GRIN2A: variants seen among roughly 807,000 people sequenced by gnomAD.
GRIN2A encodes the protein glutamate ionotropic receptor NMDA type subunit 2A, also known as glutamate receptor ionotropic, NMDA 2A.
A neutral mutation model predicts 113.4 loss-of-function variants in GRIN2A; 22 were observed. That is an observed-to-expected ratio of 0.19 (90% CI 0.14 to 0.28). The LOEUF is 0.28. Among genes scored for constraint, GRIN2A ranks in the 10% least tolerant of loss-of-function variants. GRIN2A has a pLI of 1.00. For missense variants in GRIN2A, 1,502 were observed against 1,887.0 expected (o/e 0.80, Z 3.78); for synonymous variants, 827 against 738.4 (o/e 1.12, Z -1.94).
chr16:10,174,315 G>A (rs976267305), intron 2 of GRIN2A, among the ~76,000 whole-genome samples: 29 of 152,312 alleles, frequency 1.9e-4, no homozygotes, highest in Admixed American at 8.5e-4. Context: ...CACAGGCCAC[G>A]TAGAATGGGA....
At chr16:10,128,201 T>C (rs1295227783) in intron 2 of GRIN2A, among the ~76,000 whole-genome samples, 1 of 152,208 alleles carries the variant, frequency 6.6e-6, no homozygotes, top group African/African-American at 2.4e-5. Context: ...ATTCTGCCTA[T>C]GTGTCCCTCT....
intron 4 of GRIN2A, among the ~76,000 whole-genome samples, chr16:9,858,161 C>T (rs1027665337): frequency 6.6e-6 from 1 of 152,136 alleles, no homozygotes; most frequent in African/African-American, 2.4e-5. Flanking sequence ...ACTATCAGAA[C>T]AGGGCAGTCA....
At chr16:9,802,402 G>A (rs1903416856) in intron 10 of GRIN2A, among the ~76,000 whole-genome samples, 1 of 152,068 alleles carries the variant, frequency 6.6e-6, no homozygotes, top group South Asian at 2.1e-4. Flanking sequence ...ATGAATGGAG[G>A]TGCACACCAT....
chr16:10,144,715 A>G (rs2049397501), intron 2 of GRIN2A, among the ~76,000 whole-genome samples: 1 of 152,090 alleles, frequency 6.6e-6, no homozygotes. Flanking sequence ...GTCCATCAAG[A>G]GATGAATGGA....
chr16:10,047,095 T>G (rs2047274064), intron 2 of GRIN2A, among the ~76,000 whole-genome samples: 1 of 152,184 alleles, frequency 6.6e-6, no homozygotes, highest in Non-Finnish European at 1.5e-5. Flanking sequence ...CAGAGAACAT[T>G]TGTCCCTGAA....
chr16:9,952,322 C>A (rs1460262067), intron 2 of GRIN2A, among the ~76,000 whole-genome samples: 1 of 152,100 alleles, frequency 6.6e-6, no homozygotes, highest in Non-Finnish European at 1.5e-5. Context: ...AGATGGAGGG[C>A]AACTTGGCAC....
chr16:10,134,471 C>T (rs190468040), intron 2 of GRIN2A, among the ~76,000 whole-genome samples: 1 of 100,538 alleles, frequency 9.9e-6, no homozygotes, highest in East Asian at 3.0e-4. Flanking sequence ...ACACCGGGGC[C>T]TGTCAGGGGG....
At position 10,180,018 on chromosome 16, in the gene GRIN2A, A is replaced by T; in HGVS notation, c.394T>A (p.Ser132Thr). 2 of 1,613,908 alleles carry T rather than the reference A, an allele frequency of 1.2e-6. No individual in the cohort carries two copies. The highest frequency in any genetic ancestry group is 1.7e-6 in the Non-Finnish European group (2 of 1,179,812). The stretch of plus-strand genomic sequence containing the variant: ...CTTACCTTGTCAGCCATGATCATAG[A>T]TGCGCCCCCATGAATGCCCAAGATG... ...VPILGIHGGA[S>T]MIMADKDPTS... The change falls in exon 2 of 13, where the codon TCT becomes ACT. Residue 132 changes from serine (S) to threonine (T), a missense_variant. Coordinates refer to ENST00000330684, the MANE Select transcript of GRIN2A (RefSeq NM_001134407.3). The surrounding 1 kb of genome is among the most constrained non-coding windows in gnomAD (Gnocchi z 7.0).
At position 9,769,718 on chromosome 16, in the gene GRIN2A, T is replaced by G. The variant is rs138758071; in HGVS notation, c.2357-629A>C. Among the ~76,000 whole-genome samples, 183 of 152,260 alleles carry G rather than the reference T, an allele frequency of 1.2e-3. 1 individual carries two copies. Among genetic ancestry groups the G allele is most frequent in the East Asian group, 7.9e-3 (41 of 5,190 alleles). On this transcript the variant is annotated intron_variant, in intron 11 of 12. Coordinates refer to ENST00000330684, the MANE Select transcript of GRIN2A (RefSeq NM_001134407.3). Reference sequence around the variant, plus strand: ...GAGGATTGAATGAGATGAGAATGTATAAAATCCCTAAAGGACCCAGATCAT... The same window carrying G: ...GAGGATTGAATGAGATGAGAATGTAGAAAATCCCTAAAGGACCCAGATCAT...
intron 10 of GRIN2A, among the ~76,000 whole-genome samples, chr16:9,822,062 G>C (rs1035925524): frequency 1.3e-5 from 2 of 152,078 alleles, no homozygotes; most frequent in Non-Finnish European, 2.9e-5. Context: ...TCCTGGATTT[G>C]CTTTTTCTTC....
intron 10 of GRIN2A, among the ~76,000 whole-genome samples, chr16:9,805,258 T>A (rs150039074): frequency 2.6e-5 from 4 of 152,352 alleles, no homozygotes; most frequent in Admixed American, 6.5e-5. Flanking sequence ...GCTCATCATC[T>A]TCTTATGCAT....
intron 3 of GRIN2A, among the ~76,000 whole-genome samples, chr16:9,909,509 T>C (rs1263706784): frequency 6.6e-6 from 1 of 152,244 alleles, no homozygotes; most frequent in African/African-American, 2.4e-5. Flanking sequence ...TGACTGAGGA[T>C]ATGAATTTTC....
At chr16:9,824,488 A>G (rs1411385843) in intron 9 of GRIN2A, among the ~76,000 whole-genome samples, 1 of 152,160 alleles carries the variant, frequency 6.6e-6, no homozygotes, top group East Asian at 1.9e-4. Context: ...GTTGCAGAGG[A>G]GCTGCATAGG....
chr16:9,895,447 C>T (rs1043705678), intron 3 of GRIN2A, among the ~76,000 whole-genome samples: 1 of 152,184 alleles, frequency 6.6e-6, no homozygotes, highest in African/African-American at 2.4e-5. Context: ...GAGACAGACG[C>T]AGGAGTCAGA....
intron 11 of GRIN2A, among the ~76,000 whole-genome samples, chr16:9,792,271 G>A (rs1287835369): frequency 2.6e-5 from 4 of 152,148 alleles, no homozygotes; most frequent in Non-Finnish European, 5.9e-5. Context: ...CACCCAGGCT[G>A]CAGTGCAGTG....
At chr16:10,139,280 T>C (rs2049272224) in intron 2 of GRIN2A, among the ~76,000 whole-genome samples, 2 of 152,010 alleles carry the variant, frequency 1.3e-5, no homozygotes, top group Admixed American at 1.3e-4. Context: ...GAGGTCAGGG[T>C]GAGCTTCCCC....
At chr16:10,154,646 A>G (rs184467924) in intron 2 of GRIN2A, among the ~76,000 whole-genome samples, 23 of 152,274 alleles carry the variant, frequency 1.5e-4, no homozygotes, top group African/African-American at 5.3e-4. Flanking sequence ...GACAGCTGGG[A>G]AGCTAAATCA....
chr16:9,877,875 C>T (rs2043402921), intron 4 of GRIN2A, among the ~76,000 whole-genome samples: 1 of 142,128 alleles, frequency 7.0e-6, no homozygotes, highest in Non-Finnish European at 1.5e-5. Flanking sequence ...TCCCTCTCCC[C>T]CAACTCTCTC....
At chr16:9,789,700 T>C (rs1902484934) in intron 11 of GRIN2A, among the ~76,000 whole-genome samples, 1 of 152,162 alleles carries the variant, frequency 6.6e-6, no homozygotes, top group East Asian at 1.9e-4. Flanking sequence ...TGGCAAAGGG[T>C]CTGGCTAAGT....
Sources: allele counts gnomAD v4.1 joint callset (sites outside exome capture counted in the v4.1 genomes callset), GRCh38; gene constraint gnomAD v4.1.1; non-coding constraint Gnocchi (gnomAD v3.1); transcripts MANE v1.5; gene names NCBI Gene and HGNC (gene_info 2026-07-23, HGNC 2026-07-21).